The following EPSTI1 variants were observed in gnomAD, a reference collection of about 807,000 sequenced individuals.
The protein encoded by EPSTI1 is epithelial-stromal interaction protein 1.
A neutral mutation model predicts 49.9 loss-of-function variants in EPSTI1; 66 were observed. The observed-to-expected ratio is 1.32, with a 90% CI of 1.08 to 1.62. The LOEUF is 1.62. Ranked by LOEUF, EPSTI1 falls within the 40% of genes most tolerant of loss-of-function variation. The pLI, the probability that EPSTI1 is intolerant of heterozygous loss-of-function variation, is 0.00. For missense variants in EPSTI1, 394 were observed against 365.5 expected (o/e 1.08, Z -0.64); for synonymous variants, 137 against 130.7 (o/e 1.05, Z -0.33).
At chr13:42,961,227 T>C (rs1300049092) in intron 5 of EPSTI1, among the ~76,000 whole-genome samples, 1 of 152,202 alleles carries the variant, frequency 6.6e-6, no homozygotes, top group Non-Finnish European at 1.5e-5. Context: ...GGTCAACATT[T>C]AATCAGGTCT....
intron 6 of EPSTI1, among the ~76,000 whole-genome samples, chr13:42,936,174 T>G (rs1426898593): frequency 1.3e-5 from 2 of 152,202 alleles, no homozygotes; most frequent in Admixed American, 6.5e-5. Context: ...GTTTATTTCT[T>G]CTGTCATCCC....
chr13:42,898,578 GA>G (rs1310607481), intron 9 of EPSTI1, among the ~76,000 whole-genome samples: 1 of 151,788 alleles, frequency 6.6e-6, no homozygotes, highest in African/African-American at 2.4e-5. Context: ...AGAATCAAAA[GA>G]AAGAAAAAAT....
chr13:42,909,038 T>A (rs190544234), intron 8 of EPSTI1, among the ~76,000 whole-genome samples: 276 of 151,886 alleles, frequency 1.8e-3, no homozygotes, highest in Non-Finnish European at 3.4e-3. Context: ...GTTTGCAGTG[T>A]GCCAAGATCA....
rs527496783 is a variant in EPSTI1 at position 42,978,192 on chromosome 13, C to T, written c.189-7522G>A. On this transcript the variant is annotated intron_variant, in intron 1 of 10. Transcript: ENST00000313624. ...AAGTTTATTTTGCCAAGGTTGAGGACGCACCCATGACACAGCTTCAAGAGG... is the reference window on the plus strand; with the variant it reads ...AAGTTTATTTTGCCAAGGTTGAGGATGCACCCATGACACAGCTTCAAGAGG... 4.6e-5 allele frequency among the ~76,000 whole-genome samples: 7 copies of T among 151,558 alleles called. No homozygotes were observed. The South Asian group carries it at 1.3e-3, about 27-fold the overall frequency.
chr13:42,908,839 T>G (rs909834232), intron 8 of EPSTI1, among the ~76,000 whole-genome samples: 4 of 151,738 alleles, frequency 2.6e-5, no homozygotes, highest in African/African-American at 9.7e-5. Flanking sequence ...TCCCAGCACT[T>G]TGGGAGGCCT....
At chr13:42,903,053 T>C (rs2037403801) in intron 8 of EPSTI1, among the ~76,000 whole-genome samples, 1 of 152,198 alleles carries the variant, frequency 6.6e-6, no homozygotes, top group Non-Finnish European at 1.5e-5. Flanking sequence ...TTCACTTTCA[T>C]TAATCCTATT....
At chr13:42,923,432 G>T (rs61563558) in intron 7 of EPSTI1, among the ~76,000 whole-genome samples, 7 of 152,128 alleles carry the variant, frequency 4.6e-5, no homozygotes, top group Non-Finnish European at 7.3e-5. Context: ...GTGGGGGTGC[G>T]TGCCTGTGGT....
chr13:42,904,524 C>T (rs572641393), intron 8 of EPSTI1, among the ~76,000 whole-genome samples: 4 of 152,254 alleles, frequency 2.6e-5, no homozygotes, highest in South Asian at 4.1e-4. Context: ...AAACGTAAGA[C>T]GTATACATCT....
intron 8 of EPSTI1, among the ~76,000 whole-genome samples, chr13:42,909,097 A>T (rs2037588792): frequency 4.1e-5 from 1 of 24,596 alleles, no homozygotes; most frequent in South Asian, 1.1e-3. Context: ...CCATCTCAAA[A>T]ATAATAACAA....
intron 2 of EPSTI1, 75 bp from the exon 3 acceptor site, chr13:42,969,252 A>G: frequency 7.0e-7 from 1 of 1,419,724 alleles, no homozygotes; most frequent in South Asian, 1.2e-5. Context: ...AAAGCATAAG[A>G]AACAACTATT....
intron 8 of EPSTI1, among the ~76,000 whole-genome samples, chr13:42,905,925 C>A (rs1375338571): frequency 4.6e-5 from 7 of 152,220 alleles, no homozygotes; most frequent in African/African-American, 1.7e-4. Flanking sequence ...ATGCAAATCT[C>A]TACATTCATA....
rs145553182 is a variant in EPSTI1, at chr13:42,973,589, C to T, written c.189-2919G>A. On this transcript the variant is annotated intron_variant, in intron 1 of 10. Transcript: ENST00000313624. ...GGATATGCTTTTTATTTTTTAATAT[C>T]ATGTGTCAGAGTGTAATGCCTTAGT... is the stretch of plus-strand genomic sequence containing the variant. Among the ~76,000 whole-genome samples the T allele has an allele frequency of 9.9e-3, 1,512 of 152,278 alleles. 8 individuals are homozygous for T. The highest frequency in any genetic ancestry group is 0.015 in the Non-Finnish European group (1,041 of 68,022).
intron 1 of EPSTI1, among the ~76,000 whole-genome samples, chr13:42,979,620 T>C (rs995231274): frequency 4.6e-5 from 7 of 151,532 alleles, no homozygotes; most frequent in African/African-American, 1.7e-4. Context: ...AAAGAAATTT[T>C]AAGCCTAACA....
At chr13:42,900,513 A>T (rs1429177742) in intron 8 of EPSTI1, 130 bp from the exon 9 acceptor site, 2 of 823,756 alleles carry the variant, frequency 2.4e-6, no homozygotes, top group African/African-American at 3.5e-5. Context: ...CTTAAGTACT[A>T]TTTGGATGTG....
chr13:42,894,067 C>T (rs2037117878), intron 10 of EPSTI1, among the ~76,000 whole-genome samples: 1 of 152,190 alleles, frequency 6.6e-6, no homozygotes, highest in African/African-American at 2.4e-5. Flanking sequence ...GTTCAATTAT[C>T]TTAAATATGT....
At chr13:42,898,687 T>A (rs1286130031) in intron 9 of EPSTI1, among the ~76,000 whole-genome samples, 2 of 152,222 alleles carry the variant, frequency 1.3e-5, no homozygotes, top group African/African-American at 4.8e-5. Flanking sequence ...AAAGTTATCT[T>A]TTCCACCTCT....
At position 42,895,042 on chromosome 13, in the gene EPSTI1, T is replaced by C. The variant is rs2037150464; in HGVS notation, c.882A>G (p.Gly294=). The change falls in exon 10 of 11, where the codon GGA becomes GGG. Residue 294 remains glycine, a synonymous_variant. Coordinates refer to ENST00000313624, the MANE Select transcript of EPSTI1 (RefSeq NM_033255.5). The part of the protein sequence containing the change: ...KSQPGGLEQS[G]GCWNMNSGNS... ...TACCGCTATTCATATTCCAACAGCCTCCAGATTGCTCGAGGCCACCTGGTT... is the reference window on the plus strand; with the variant it reads ...TACCGCTATTCATATTCCAACAGCCCCCAGATTGCTCGAGGCCACCTGGTT... The C allele has an allele frequency of 6.2e-7, 1 of 1,613,294 alleles. No individual in the cohort carries two copies. The highest frequency in any genetic ancestry group is 1.3e-5 in the African/African-American group (1 of 74,908).
intron 6 of EPSTI1, among the ~76,000 whole-genome samples, chr13:42,930,196 C>A (rs1325263153): frequency 1.3e-5 from 2 of 152,220 alleles, no homozygotes; most frequent in Non-Finnish European, 2.9e-5. Flanking sequence ...TAGGAACTGT[C>A]TGTATAAGTA....
intron 6 of EPSTI1, among the ~76,000 whole-genome samples, chr13:42,936,908 C>T (rs1260466023): frequency 2.0e-5 from 3 of 152,220 alleles, no homozygotes; most frequent in African/African-American, 4.8e-5. Context: ...GGCATCACTA[C>T]ACCTCCAGTA....
Sources: gnomAD v4.1 joint callset for allele counts (sites outside exome capture counted in the v4.1 genomes callset) on GRCh38, gnomAD v4.1.1 for gene constraint, MANE v1.5 for transcripts, NCBI Gene and HGNC (gene_info 2026-07-23, HGNC 2026-07-21) for gene names.